ACVR1C: variants seen among roughly 807,000 people sequenced by gnomAD.
The protein encoded by ACVR1C is activin A receptor type 1C, also known as activin receptor type-1C.
A neutral mutation model predicts 57.9 loss-of-function variants in ACVR1C; 23 were observed. The observed-to-expected ratio is 0.40, with a 90% confidence interval of 0.29 to 0.56. ACVR1C has a LOEUF of 0.56. Among genes scored for constraint, ACVR1C ranks in the 20% least tolerant of loss-of-function variants. ACVR1C has a pLI of 0.50. For missense variants in ACVR1C, 480 were observed against 607.9 expected, an observed-to-expected ratio of 0.79 and a Z score of 2.21; for synonymous variants, 214 against 215.3, an observed-to-expected ratio of 0.99 and a Z score of 0.05.
chr2:157,591,144 G>C (rs985044327), intron 1 of ACVR1C, among the ~76,000 whole-genome samples: 2 of 151,808 alleles, frequency 1.3e-5, no homozygotes, highest in African/African-American at 4.8e-5. Flanking sequence ...ATGAACTAGG[G>C]TGCAGAGACC....
At chr2:157,597,630 G>T (rs971605867) in intron 1 of ACVR1C, 10 of 945,386 alleles carry the variant, frequency 1.1e-5, no homozygotes, top group Non-Finnish European at 1.1e-5. Context: ...GAAGCAGGAG[G>T]CAGGCTATTT....
At chr2:157,551,898 C>A (rs1053131248) in intron 3 of ACVR1C, among the ~76,000 whole-genome samples, 8 of 152,118 alleles carry the variant, frequency 5.3e-5, no homozygotes, top group African/African-American at 1.9e-4. Flanking sequence ...TCTGCTGTTA[C>A]GGATCTCAAC....
rs1007196474 is a variant in ACVR1C at position 157,528,653 on chromosome 2, T to G, written c.*5265A>C. On this transcript the variant is annotated 3_prime_UTR_variant, in exon 9 of 9. Coordinates refer to ENST00000243349, the MANE Select transcript of ACVR1C (RefSeq NM_145259.3). ...ATGGTATGGAACAGCAGAAATAAAT[T>G]TAACAATCACATTATGGGGCATATA... is the stretch of plus-strand genomic sequence containing the variant. 1.3e-5 allele frequency: 2 copies of G among 152,148 alleles called. No individual in the cohort carries two copies. The highest frequency in any genetic ancestry group is 2.9e-5 in the Non-Finnish European group (2 of 68,002). 9.4% of individuals were successfully genotyped at this position (152,148 alleles called of 1,614,324 possible).
chr2:157,563,323 A>C (rs542208040), intron 2 of ACVR1C, among the ~76,000 whole-genome samples: 39 of 152,308 alleles, frequency 2.6e-4, no homozygotes, highest in South Asian at 2.3e-3. Context: ...ACATGCCAAC[A>C]ATAGACAAGC....
chr2:157,623,656 T>C (rs1682836012), intron 1 of ACVR1C, among the ~76,000 whole-genome samples: 1 of 151,960 alleles, frequency 6.6e-6, no homozygotes, highest in Non-Finnish European at 1.5e-5. Context: ...TACAAAAATA[T>C]GGAAAGAATG....
chr2:157,584,994 A>G (rs958530963), intron 2 of ACVR1C, among the ~76,000 whole-genome samples: 3 of 152,206 alleles, frequency 2.0e-5, no homozygotes, highest in African/African-American at 7.2e-5. Context: ...CCCTCTTAAA[A>G]ATGTTTCATA....
Position 157,545,221 on chromosome 2 carries a change from G to T in ACVR1C, c.776-609C>A, listed in dbSNP as rs150700891. 8.5e-5 allele frequency among the ~76,000 whole-genome samples: 13 copies of T among 152,228 alleles called. No individual in the cohort carries two copies. In the East Asian group the frequency reaches 2.5e-3, roughly 29 times the overall value. On this transcript the variant is annotated intron_variant, in intron 4 of 8. Coordinates refer to ENST00000243349, the MANE Select transcript of ACVR1C (RefSeq NM_145259.3). ...CAGCTTATAAAAGACTTTTAGAAAAGAAATTACTCTAAAACTTTTCTACAT... is the reference window on the plus strand; with the variant it reads ...CAGCTTATAAAAGACTTTTAGAAAATAAATTACTCTAAAACTTTTCTACAT...
intron 4 of ACVR1C, among the ~76,000 whole-genome samples, chr2:157,549,488 C>G (rs2105215906): frequency 6.6e-6 from 1 of 152,272 alleles, no homozygotes; most frequent in African/African-American, 2.4e-5. Context: ...CTCCAGGATT[C>G]TGTTCTACTT....
At chr2:157,580,637 G>A (rs544428820) in intron 2 of ACVR1C, among the ~76,000 whole-genome samples, 12 of 151,992 alleles carry the variant, frequency 7.9e-5, no homozygotes, top group South Asian at 4.2e-4. Context: ...AAGCTGGTGC[G>A]AAAATAAATG....
At chr2:157,534,581 C>T (rs1197467050) in intron 8 of ACVR1C, among the ~76,000 whole-genome samples, 1 of 152,044 alleles carries the variant, frequency 6.6e-6, no homozygotes, top group Non-Finnish European at 1.5e-5. Context: ...AATCTGTATA[C>T]TAAGATTTGT....
At chr2:157,588,847 C>CTATATATATATATATA (rs1688989221) in intron 1 of ACVR1C, among the ~76,000 whole-genome samples, 1 of 27,950 alleles carries the variant, frequency 3.6e-5, no homozygotes, top group Non-Finnish European at 7.7e-5. Flanking sequence ...CACAAACACA[C>CTATATATATATATATA]CATATATATA....
intron 2 of ACVR1C, among the ~76,000 whole-genome samples, chr2:157,558,287 A>C (rs1339139538): frequency 6.6e-6 from 1 of 152,222 alleles, no homozygotes; most frequent in Non-Finnish European, 1.5e-5. Context: ...TAGCATCTAA[A>C]CAAATTGCAA....
chr2:157,552,438 T>G (rs1468657396), intron 3 of ACVR1C, among the ~76,000 whole-genome samples: 1 of 152,238 alleles, frequency 6.6e-6, no homozygotes, highest in Non-Finnish European at 1.5e-5. Context: ...CAGCCTGGAC[T>G]GTTTTTGCAG....
intron 2 of ACVR1C, among the ~76,000 whole-genome samples, chr2:157,560,441 C>T (rs1266373604): frequency 1.3e-5 from 2 of 152,282 alleles, no homozygotes; most frequent in Non-Finnish European, 2.9e-5. Flanking sequence ...AAATTTAAAA[C>T]GGAACCAAGT....
intron 2 of ACVR1C, among the ~76,000 whole-genome samples, chr2:157,581,457 A>G (rs1688789082): frequency 6.6e-6 from 1 of 152,118 alleles, no homozygotes; most frequent in Non-Finnish European, 1.5e-5. Context: ...ACAGACAGAA[A>G]CCACTGTAAG....
intron 2 of ACVR1C, among the ~76,000 whole-genome samples, chr2:157,560,522 G>C (rs1688209810): frequency 6.6e-6 from 1 of 152,182 alleles, no homozygotes; most frequent in Admixed American, 6.5e-5. Flanking sequence ...GCTTAACTTT[G>C]AAACTTTCAT....
At chr2:157,534,432 T>C (rs558750181) in intron 8 of ACVR1C, among the ~76,000 whole-genome samples, 16 of 152,148 alleles carry the variant, frequency 1.1e-4, no homozygotes, top group African/African-American at 3.9e-4. Context: ...AGAGACTAAC[T>C]AAAAAATGTT....
intron 2 of ACVR1C, among the ~76,000 whole-genome samples, chr2:157,582,242 T>C (rs1247803146): frequency 6.6e-6 from 1 of 152,200 alleles, no homozygotes; most frequent in Admixed American, 6.5e-5. Context: ...GAAAGATCGC[T>C]TGAGCCCAGG....
At chr2:157,621,367 G>C (rs1195717575) in intron 1 of ACVR1C, among the ~76,000 whole-genome samples, 1 of 152,278 alleles carries the variant, frequency 6.6e-6, no homozygotes, top group South Asian at 2.1e-4. Context: ...AAGGAGCAAA[G>C]TGTTGGCTTC....
Sources: allele counts gnomAD v4.1 joint callset (sites outside exome capture counted in the v4.1 genomes callset), GRCh38; gene constraint gnomAD v4.1.1; transcripts MANE v1.5; gene names NCBI Gene and HGNC (gene_info 2026-07-23, HGNC 2026-07-21).